The following SLC8A1 variants were observed in gnomAD, a reference collection of about 807,000 sequenced individuals.
SLC8A1 encodes the protein sodium/calcium exchanger 1.
SLC8A1 carries 18 observed loss-of-function variants against 68.3 expected under a neutral mutation model. The observed-to-expected ratio is 0.26, with a 90% CI of 0.18 to 0.39. The LOEUF is 0.39. Among genes scored for constraint, SLC8A1 ranks in the 10% least tolerant of loss-of-function variants. The pLI, the probability that SLC8A1 is intolerant of heterozygous loss-of-function variation, is 1.00. For missense variants in SLC8A1, 985 were observed against 1,156.7 expected (o/e 0.85, Z 2.15); for synonymous variants, 475 against 415.5 (o/e 1.14, Z -1.74).
intron 6 of SLC8A1, among the ~76,000 whole-genome samples, chr2:40,143,003 G>A (rs1018495090): frequency 2.0e-5 from 3 of 151,946 alleles, no homozygotes; most frequent in South Asian, 2.1e-4. Flanking sequence ...TGTTCTTTCT[G>A]TAGGCTTCCA....
intron 3 of SLC8A1, among the ~76,000 whole-genome samples, chr2:40,176,318 A>T (rs1350826264): frequency 6.6e-6 from 1 of 152,204 alleles, no homozygotes; most frequent in Non-Finnish European, 1.5e-5. Context: ...TTGCTGTTAC[A>T]TGAGAGCATA....
chr2:40,497,592 A>C (rs1327612303), intron 1 of SLC8A1, among the ~76,000 whole-genome samples: 1 of 152,000 alleles, frequency 6.6e-6, no homozygotes, highest in Admixed American at 6.6e-5. Flanking sequence ...GGAAAAAAGC[A>C]CTCAAGAAAG....
intron 2 of SLC8A1, among the ~76,000 whole-genome samples, chr2:40,420,052 T>C (rs900173495): frequency 2.0e-5 from 3 of 152,156 alleles, no homozygotes; most frequent in African/African-American, 7.2e-5. Flanking sequence ...TGATTTTAGG[T>C]AGAATTTTTT....
intron 2 of SLC8A1, among the ~76,000 whole-genome samples, chr2:40,346,561 A>G (rs988767532): frequency 6.6e-6 from 1 of 152,052 alleles, no homozygotes; most frequent in Non-Finnish European, 1.5e-5. Flanking sequence ...CAGCAAGCCT[A>G]AGTCAAGGTT....
chr2:40,391,956 C>G (rs558671239), intron 2 of SLC8A1, among the ~76,000 whole-genome samples: 1 of 151,784 alleles, frequency 6.6e-6, no homozygotes, highest in Admixed American at 6.6e-5. Flanking sequence ...TACAAAGTAT[C>G]GATGATCAAA....
At chr2:40,426,825 T>A (rs911025423) in intron 2 of SLC8A1, among the ~76,000 whole-genome samples, 1 of 151,936 alleles carries the variant, frequency 6.6e-6, no homozygotes, top group African/African-American at 2.4e-5. Flanking sequence ...GGTTCAATAA[T>A]TGAAATGATT....
chr2:40,389,840 A>T (rs1020510587), intron 2 of SLC8A1, among the ~76,000 whole-genome samples: 2 of 147,622 alleles, frequency 1.4e-5, no homozygotes, highest in African/African-American at 5.2e-5. Context: ...TATGATATAT[A>T]TATCATATAT....
intron 2 of SLC8A1, among the ~76,000 whole-genome samples, chr2:40,220,707 GCT>G (rs149781218): frequency 0.031 from 4,662 of 152,098 alleles, 253 homozygotes; most frequent in African/African-American, 0.11. Context: ...TTGGCTTGGA[GCT>G]CTCTCTATTT....
At chr2:40,171,108 G>A (rs1473370232) in intron 4 of SLC8A1, among the ~76,000 whole-genome samples, 5 of 152,168 alleles carry the variant, frequency 3.3e-5, no homozygotes, top group African/African-American at 9.7e-5. Flanking sequence ...TTGGGATTCA[G>A]TGCCACCTCT....
At chr2:40,170,190 G>A (rs2047218532) in intron 4 of SLC8A1, 91 bp downstream of exon 7, 2 of 1,118,792 alleles carry the variant, frequency 1.8e-6, no homozygotes, top group East Asian at 2.4e-5. Context: ...GTTTTACAGA[G>A]GAGAGGGGCT....
At chr2:40,225,171 C>T (rs920207367) in intron 2 of SLC8A1, among the ~76,000 whole-genome samples, 12 of 152,126 alleles carry the variant, frequency 7.9e-5, no homozygotes, top group Non-Finnish European at 2.9e-5. Context: ...TACTTACTGT[C>T]AGCAGGATAT....
chr2:40,412,503 A>ATGCTGTTT (rs1402701325), intron 2 of SLC8A1, among the ~76,000 whole-genome samples: 4 of 152,194 alleles, frequency 2.6e-5, no homozygotes, highest in Non-Finnish European at 4.4e-5. Context: ...TGGAGTGGGC[A>ATGCTGTTT]TACGGTTTTA....
chr2:40,265,252 G>C (rs569902402), intron 2 of SLC8A1, among the ~76,000 whole-genome samples: 1 of 152,262 alleles, frequency 6.6e-6, no homozygotes, highest in Admixed American at 6.5e-5. Flanking sequence ...GTCCATTACA[G>C]CAGGATAACA....
At chr2:40,340,690 G>A (rs1667415976) in intron 2 of SLC8A1, among the ~76,000 whole-genome samples, 1 of 152,182 alleles carries the variant, frequency 6.6e-6, no homozygotes, top group Non-Finnish European at 1.5e-5. Context: ...AGCTCCACAA[G>A]GCTCAGGATT....
intron 2 of SLC8A1, among the ~76,000 whole-genome samples, chr2:40,314,709 C>G (rs2074208544): frequency 6.6e-6 from 1 of 151,964 alleles, no homozygotes. Flanking sequence ...GTGTACAAGT[C>G]TTGCCCATCT....
intron 2 of SLC8A1, among the ~76,000 whole-genome samples, chr2:40,293,068 GC>G (rs1284878871): frequency 6.6e-6 from 1 of 151,954 alleles, no homozygotes; most frequent in Admixed American, 6.6e-5. Flanking sequence ...GTTGTTTTCT[GC>G]CAGAAAATCT....
intron 2 of SLC8A1, among the ~76,000 whole-genome samples, chr2:40,423,462 GCTT>G (rs2149757420): frequency 1.3e-5 from 2 of 152,020 alleles, no homozygotes; most frequent in East Asian, 3.9e-4. Context: ...CAAATCTGTA[GCTT>G]ATTAAGTATG....
exon 8 of SLC8A1, chr2:40,108,449 T>C (rs1200664926): frequency 3.3e-5 from 5 of 152,164 alleles, no homozygotes; most frequent in Admixed American, 6.5e-5. Context: ...TGTAATAAAA[T>C]CCTAGTTAAC....
At chr2:40,353,746 A>G (rs1324003786) in intron 2 of SLC8A1, among the ~76,000 whole-genome samples, 1 of 152,180 alleles carries the variant, frequency 6.6e-6, no homozygotes, top group East Asian at 1.9e-4. Flanking sequence ...ATCCTTTTAG[A>G]AACTTGTGTC....
Sources: gnomAD v4.1 joint callset for allele counts (sites outside exome capture counted in the v4.1 genomes callset) on GRCh38, gnomAD v4.1.1 for gene constraint, MANE v1.5 for transcripts, NCBI Gene and HGNC (gene_info 2026-07-23, HGNC 2026-07-21) for gene names.